The following INSYN2A variants were observed in gnomAD, a reference collection of about 807,000 sequenced individuals.
The protein encoded by INSYN2A is family with sequence similarity 196 member A.
A neutral mutation model predicts 39.4 loss-of-function variants in INSYN2A; 17 were observed. The observed-to-expected ratio is 0.43, with a 90% CI of 0.30 to 0.65. The LOEUF is 0.65. Among genes scored for constraint, INSYN2A ranks in the 30% least tolerant of loss-of-function variants. The pLI, the probability that INSYN2A is intolerant of heterozygous loss-of-function variation, is 0.14. For missense variants in INSYN2A, 595 were observed against 631.2 expected (o/e 0.94, Z 0.61); for synonymous variants, 255 against 265.7 (o/e 0.96, Z 0.39).
intron 4 of INSYN2A, among the ~76,000 whole-genome samples, chr10:127,165,469 T>C (rs1469613833): frequency 6.6e-6 from 1 of 152,214 alleles, no homozygotes; most frequent in Non-Finnish European, 1.5e-5. Flanking sequence ...GACATACTGA[T>C]AGAAAAAACT....
intron 4 of INSYN2A, among the ~76,000 whole-genome samples, chr10:127,165,845 A>G (rs781552219): frequency 2.6e-5 from 4 of 152,154 alleles, no homozygotes; most frequent in African/African-American, 4.8e-5. Context: ...GTTAATGATT[A>G]CAGATCCTTC....
At chr10:127,189,371 C>T (rs2056552279) in intron 2 of INSYN2A, among the ~76,000 whole-genome samples, 1 of 152,140 alleles carries the variant, frequency 6.6e-6, no homozygotes, top group South Asian at 2.1e-4. Context: ...AGTGTGGGGC[C>T]AACCCTGCCA....
At chr10:127,150,269 CA>C (rs2052359246) in intron 5 of INSYN2A, among the ~76,000 whole-genome samples, 1 of 152,200 alleles carries the variant, frequency 6.6e-6, no homozygotes, top group African/African-American at 2.4e-5. Flanking sequence ...AAGCTTCTGA[CA>C]TTTGGGGGTG....
intron 5 of INSYN2A, among the ~76,000 whole-genome samples, chr10:127,147,190 T>C (rs1325112110): frequency 6.6e-6 from 1 of 152,206 alleles, no homozygotes; most frequent in Non-Finnish European, 1.5e-5. Flanking sequence ...AGCTTCCTAC[T>C]TGAGAAGCCG....
Position 127,175,442 on chromosome 10 carries a change from A to G in INSYN2A, c.954T>C (p.Cys318=), listed in dbSNP as rs775162815. The G allele has an allele frequency of 1.9e-6, 3 of 1,612,138 alleles. No individual in the cohort carries two copies. Among genetic ancestry groups the G allele is most frequent in the African/African-American group, 2.7e-5 (2 of 74,912 alleles). The change falls in exon 4 of 6, where the codon TGT becomes TGC. Residue 318 remains cysteine (C), a synonymous_variant. Coordinates refer to ENST00000522781, the MANE Select transcript of INSYN2A (RefSeq NM_001039762.3). This position sits in a 1 kb window ranked among gnomAD's most constrained non-coding sequence, Gnocchi z 6.3. The part of the protein sequence containing the change: ...SPPMQCLSPE[C]SEQPSQTHTP... ...TGTGAGTCTGCGACGGCTGCTCACT[A>G]CATTCGGGGGACAGGCACTGCATCG...
In INSYN2A at chr10:127,137,835, T is replaced by C; in HGVS notation, c.*2A>G. On this transcript the variant is annotated 3_prime_UTR_variant, in exon 6 of 6. Transcript: ENST00000522781. ...GCCTCGAGACTCCAGACACCGTGAG[T>C]GTTAAAGGAACCAGAGTTTCCATCT... is the stretch of plus-strand genomic sequence containing the variant. The C allele has an allele frequency of 9.9e-6, 16 of 1,612,470 alleles. No homozygotes were observed. The Middle Eastern group carries it at 1.4e-3, about 136-fold the overall frequency.
intron 4 of INSYN2A, among the ~76,000 whole-genome samples, chr10:127,168,180 C>A (rs1417130547): frequency 6.6e-6 from 1 of 152,188 alleles, no homozygotes; most frequent in Non-Finnish European, 1.5e-5. Flanking sequence ...CACCCTATCC[C>A]TCTCCTGAAT....
intron 5 of INSYN2A, among the ~76,000 whole-genome samples, chr10:127,143,200 T>A (rs2051443322): frequency 6.6e-6 from 1 of 152,196 alleles, no homozygotes; most frequent in African/African-American, 2.4e-5. Context: ...TCTGCAGTCG[T>A]CCATGTGTAA....
Position 127,186,846 on chromosome 10 carries a change from CACAG to C in INSYN2A, c.-269+5755_-269+5758del, listed in dbSNP as rs566184577. 5.3e-4 allele frequency among the ~76,000 whole-genome samples: 81 copies of C among 152,052 alleles called. No individual in the cohort carries two copies. The South Asian group carries it at 9.0e-3, about 17-fold the overall frequency. On this transcript the variant is annotated intron_variant, in intron 2 of 5. Coordinates refer to ENST00000522781, the MANE Select transcript of INSYN2A (RefSeq NM_001039762.3). Reference sequence around the variant, plus strand: ...GGGGAACGGTGAGTCGAGAGAAATGCACAGACAAACAGACACATGCACACACAGA... The same window carrying C: ...GGGGAACGGTGAGTCGAGAGAAATGCACAAACAGACACATGCACACACAGA...
At chr10:127,158,071 C>T (rs1157021479) in intron 4 of INSYN2A, among the ~76,000 whole-genome samples, 1 of 152,190 alleles carries the variant, frequency 6.6e-6, no homozygotes, top group Non-Finnish European at 1.5e-5. Flanking sequence ...TTTGGCTTCA[C>T]TGATAATTTT....
Position 127,176,479 on chromosome 10 carries a change from A to C in INSYN2A, c.-5-79T>G. ...GCACCGGCCGCACAAACTTTTAGCC[A>C]CCACGACGACTGCCTGTTTCCTAAT... is the stretch of plus-strand genomic sequence containing the variant. On this transcript the variant is annotated intron_variant, in intron 3 of 5. Coordinates refer to ENST00000522781, the MANE Select transcript of INSYN2A (RefSeq NM_001039762.3). The surrounding 1 kb of genome is among the most constrained non-coding windows in gnomAD (Gnocchi z 4.4). The C allele has an allele frequency of 8.6e-7, 1 of 1,161,162 alleles. No homozygotes were observed. The highest frequency in any genetic ancestry group is 2.4e-5 in the East Asian group (1 of 42,006). The allele number at this position is 1,161,162 out of a possible 1,614,324, so 71.9% of individuals were successfully genotyped here.
intron 2 of INSYN2A, among the ~76,000 whole-genome samples, chr10:127,182,551 C>CTT (rs2055838652): frequency 6.6e-6 from 1 of 152,268 alleles, no homozygotes; most frequent in African/African-American, 2.4e-5. Flanking sequence ...GCTCATCCTG[C>CTT]TACATTCATA....
intron 5 of INSYN2A, among the ~76,000 whole-genome samples, chr10:127,140,295 G>T (rs906527225): frequency 6.6e-6 from 1 of 152,094 alleles, no homozygotes. Flanking sequence ...AAAATGACTC[G>T]ACTTTATCTG....
At chr10:127,164,950 G>A (rs1180557926) in intron 4 of INSYN2A, among the ~76,000 whole-genome samples, 1 of 152,208 alleles carries the variant, frequency 6.6e-6, no homozygotes, top group African/African-American at 2.4e-5. Flanking sequence ...CTGAGGCCGA[G>A]TTGATTAACT....
At chr10:127,145,740 G>A (rs570573278) in intron 5 of INSYN2A, among the ~76,000 whole-genome samples, 16 of 152,254 alleles carry the variant, frequency 1.1e-4, no homozygotes, top group Admixed American at 2.0e-4. Flanking sequence ...CCACCAGCCC[G>A]GAACCCTGGT....
chr10:127,189,174 G>A lies in INSYN2A; in HGVS notation c.-269+3431C>T, dbSNP rs905549512. 1.6e-4 allele frequency among the ~76,000 whole-genome samples: 24 copies of A among 152,226 alleles called. 1 individual carries two copies. The highest frequency in any genetic ancestry group is 1.5e-3 in the Admixed American group (23 of 15,280). On this transcript the variant is annotated intron_variant, in intron 2 of 5. Coordinates refer to ENST00000522781, the MANE Select transcript of INSYN2A (RefSeq NM_001039762.3). ...CACCAGAAGGTTCCAACCTTGAGTGGCTGATTAAAAACTGTACGGTTGTCT... is the reference window on the plus strand; with the variant it reads ...CACCAGAAGGTTCCAACCTTGAGTGACTGATTAAAAACTGTACGGTTGTCT...
At chr10:127,159,658 T>C (rs1379239765) in intron 4 of INSYN2A, among the ~76,000 whole-genome samples, 1 of 152,122 alleles carries the variant, frequency 6.6e-6, no homozygotes, top group Non-Finnish European at 1.5e-5. Flanking sequence ...GGTGACAATT[T>C]GGGGTATACG....
chr10:127,155,599 G>A (rs768336493), intron 4 of INSYN2A, among the ~76,000 whole-genome samples: 2 of 152,056 alleles, frequency 1.3e-5, no homozygotes, highest in Non-Finnish European at 2.9e-5. Context: ...CACCAGACAC[G>A]GTGATTTTGT....
chr10:127,155,303 A>T (rs1390630372), intron 4 of INSYN2A, among the ~76,000 whole-genome samples: 1 of 152,058 alleles, frequency 6.6e-6, no homozygotes. Context: ...ACATGCCGTG[A>T]TTGTCTCAGT....
Sources: allele counts gnomAD v4.1 joint callset (sites outside exome capture counted in the v4.1 genomes callset), GRCh38; gene constraint gnomAD v4.1.1; non-coding constraint Gnocchi (gnomAD v3.1); transcripts MANE v1.5; gene names NCBI Gene and HGNC (gene_info 2026-07-23, HGNC 2026-07-21).